The following GATAD2A variants were observed in gnomAD, a reference collection of about 807,000 sequenced individuals.
GATAD2A encodes GATA zinc finger domain containing 2A.
GATAD2A carries 12 observed loss-of-function variants against 68.5 expected under a neutral mutation model. The ratio of observed to expected loss-of-function variants is 0.18; its 90% CI spans 0.11 to 0.28. The LOEUF (loss-of-function observed/expected upper bound fraction) is 0.28. Ranked by LOEUF, GATAD2A falls within the 10% of genes least tolerant of loss-of-function variation. The pLI is 1.00. For missense variants in GATAD2A, 755 were observed against 868.5 expected (o/e 0.87, Z 1.64); for synonymous variants, 410 against 375.3 (o/e 1.09, Z -1.07).
chr19:19,463,417 A>T (rs1218298682), intron 1 of GATAD2A, among the ~76,000 whole-genome samples: 1 of 149,614 alleles, frequency 6.7e-6, no homozygotes, highest in Non-Finnish European at 1.5e-5. Flanking sequence ...AGCATTCCTC[A>T]CCTCCCCCAG....
chr19:19,483,499 G>C (rs2071666970), intron 2 of GATAD2A, among the ~76,000 whole-genome samples: 2 of 152,330 alleles, frequency 1.3e-5, no homozygotes, highest in African/African-American at 4.8e-5. Flanking sequence ...TGTGATGGAT[G>C]CTAAGAAGGG....
At chr19:19,423,129 C>A (rs1313195766) in intron 1 of GATAD2A, among the ~76,000 whole-genome samples, 1 of 152,198 alleles carries the variant, frequency 6.6e-6, no homozygotes, top group Non-Finnish European at 1.5e-5. Context: ...ACCTCAACCT[C>A]CCGAGTGGCT....
intron 2 of GATAD2A, among the ~76,000 whole-genome samples, chr19:19,477,887 A>G (rs1011816346): frequency 2.6e-5 from 4 of 152,186 alleles, no homozygotes; most frequent in African/African-American, 7.2e-5. Flanking sequence ...CTGGCCAGCC[A>G]TGTTCCTGTG....
Position 19,506,531 on chromosome 19 carries a change from G to T in GATAD2A, c.*1057G>T. 1 of 176,520 alleles carries T rather than the reference G, an allele frequency of 5.7e-6. No homozygotes were observed. 10.9% of individuals were successfully genotyped at this position (176,520 alleles called of 1,614,324 possible). The stretch of plus-strand genomic sequence containing the variant: ...GTCCAGGTGTGCGGCGAGCCGCTGC[G>T]CACAGATGTCAGGATTTCCGTTTGG... On this transcript the variant is annotated 3_prime_UTR_variant, in exon 12 of 12. Transcript: ENST00000683918.
chr19:19,476,456 G>T (rs1171953991), intron 2 of GATAD2A, among the ~76,000 whole-genome samples: 1 of 152,192 alleles, frequency 6.6e-6, no homozygotes, highest in Non-Finnish European at 1.5e-5. Flanking sequence ...CCCATCCACA[G>T]GGACAAGACG....
At chr19:19,481,489 C>T (rs2059056524) in intron 2 of GATAD2A, among the ~76,000 whole-genome samples, 1 of 152,108 alleles carries the variant, frequency 6.6e-6, no homozygotes, top group Non-Finnish European at 1.5e-5. Flanking sequence ...TGCCACCATG[C>T]CCAGCTTTTT....
chr19:19,418,659 C>T (rs1323129524), intron 1 of GATAD2A, among the ~76,000 whole-genome samples: 4 of 152,140 alleles, frequency 2.6e-5, no homozygotes, highest in Admixed American at 6.5e-5. Context: ...GATTAAGACA[C>T]GTCTCTGAAA....
chr19:19,475,043 CT>C (rs1468211551), intron 2 of GATAD2A, among the ~76,000 whole-genome samples: 1 of 152,244 alleles, frequency 6.6e-6, no homozygotes, highest in Non-Finnish European at 1.5e-5. Context: ...CACAGAACCC[CT>C]ATCATCGTTG....
At chr19:19,470,895 C>A (rs1301792627) in intron 2 of GATAD2A, among the ~76,000 whole-genome samples, 1 of 152,086 alleles carries the variant, frequency 6.6e-6, no homozygotes, top group African/African-American at 2.4e-5. Flanking sequence ...GCAATTTATC[C>A]AAGAGAAATG....
chr19:19,437,160 C>T (rs1288030443), intron 1 of GATAD2A, among the ~76,000 whole-genome samples: 1 of 152,156 alleles, frequency 6.6e-6, no homozygotes, highest in Non-Finnish European at 1.5e-5. Context: ...GACAGGGTCT[C>T]ACTCTGTCAC....
At chr19:19,428,214 C>G (rs912917540) in intron 1 of GATAD2A, among the ~76,000 whole-genome samples, 3 of 152,200 alleles carry the variant, frequency 2.0e-5, no homozygotes, top group Non-Finnish European at 4.4e-5. Flanking sequence ...TCAGACACTT[C>G]CTAAGGCCTC....
intron 2 of GATAD2A, among the ~76,000 whole-genome samples, chr19:19,469,261 C>T: frequency 6.6e-6 from 1 of 151,870 alleles, no homozygotes; most frequent in East Asian, 1.9e-4. Context: ...GAAACCCCGT[C>T]TCTACTAAAA....
intron 1 of GATAD2A, among the ~76,000 whole-genome samples, chr19:19,447,860 C>T (rs2147771464): frequency 6.6e-6 from 1 of 152,326 alleles, no homozygotes; most frequent in East Asian, 1.9e-4. Flanking sequence ...TTGACATTTC[C>T]TTCCAGGAAC....
intron 2 of GATAD2A, among the ~76,000 whole-genome samples, chr19:19,470,148 TTTTTTTG>T (rs1416249386): frequency 2.2e-5 from 3 of 136,392 alleles, no homozygotes; most frequent in African/African-American, 5.7e-5. Context: ...ACTTTATTTT[TTTTTTTG>T]TTTTTTTTTT....
chr19:19,443,876 C>T (rs566459886), intron 1 of GATAD2A, among the ~76,000 whole-genome samples: 6 of 152,000 alleles, frequency 3.9e-5, no homozygotes, highest in African/African-American at 1.4e-4. Flanking sequence ...TAAATTCAAG[C>T]AGAAAACCAT....
rs1338113874 is a variant in GATAD2A at position 19,389,927 on chromosome 19, T to C, written c.-7+3789T>C. 2.0e-5 allele frequency among the ~76,000 whole-genome samples: 3 copies of C among 152,204 alleles called. No individual in the cohort carries two copies. In the East Asian group the frequency reaches 5.8e-4, roughly 29 times the overall value. ...ACAGGCGCATGCCACCACGCCCGGC[T>C]ATATTTTTGTATTTTTGGTAGAGAC... On this transcript the variant is annotated intron_variant, in intron 1 of 11. Coordinates refer to the GATAD2A transcript ENST00000360315.
chr19:19,496,667 C>A (rs933876275), intron 7 of GATAD2A, among the ~76,000 whole-genome samples: 1 of 152,232 alleles, frequency 6.6e-6, no homozygotes, highest in South Asian at 2.1e-4. Context: ...AGCAAATGTT[C>A]TCATGTCACC....
intron 1 of GATAD2A, among the ~76,000 whole-genome samples, chr19:19,426,140 T>C (rs1008413480): frequency 6.6e-6 from 1 of 152,152 alleles, no homozygotes; most frequent in Non-Finnish European, 1.5e-5. Context: ...AGGGGCACTA[T>C]GGGTGGGTTG....
At chr19:19,500,104 C>T (rs1466794177) in intron 8 of GATAD2A, among the ~76,000 whole-genome samples, 1 of 152,240 alleles carries the variant, frequency 6.6e-6, no homozygotes, top group Non-Finnish European at 1.5e-5. Flanking sequence ...GCTCAGTCTC[C>T]CTCTCCTGTT....
Sources: allele counts gnomAD v4.1 joint callset (sites outside exome capture counted in the v4.1 genomes callset), GRCh38; gene constraint gnomAD v4.1.1; transcripts MANE v1.5; gene names NCBI Gene and HGNC (gene_info 2026-07-23, HGNC 2026-07-21).